Variants in SLC66A2 observed in about 807,000 individuals in gnomAD.
The protein encoded by SLC66A2 is solute carrier family 66 member 2.
In SLC66A2, 23 loss-of-function variants were observed where a neutral mutation model predicts 25.5. That is an observed-to-expected ratio of 0.90 (90% confidence interval 0.65 to 1.28). SLC66A2 has a LOEUF of 1.28. Ranked by LOEUF, SLC66A2 falls within the 50% of genes most tolerant of loss-of-function variation. The pLI, the probability that SLC66A2 is intolerant of heterozygous loss-of-function variation, is 0.00. For synonymous variants in SLC66A2, 193 were observed against 166.5 expected, an observed-to-expected ratio of 1.16 and a Z score of -1.23; for missense variants, 396 against 373.1, an observed-to-expected ratio of 1.06 and a Z score of -0.51.
chr18:79,922,705 C>A (rs549946723), intron 4 of SLC66A2, among the ~76,000 whole-genome samples: 3 of 151,834 alleles, frequency 2.0e-5, no homozygotes, highest in Admixed American at 6.6e-5. Context: ...TGCCAAGAAG[C>A]CTGCAAGGCC....
At chr18:79,925,750 G>A (rs148581286) in intron 4 of SLC66A2, among the ~76,000 whole-genome samples, 5 of 152,356 alleles carry the variant, frequency 3.3e-5, no homozygotes, top group Non-Finnish European at 7.3e-5. Context: ...ATCAGGTCGT[G>A]TTTTCATGTC....
At chr18:79,906,588 T>C (rs750616565) in intron 5 of SLC66A2, among the ~76,000 whole-genome samples, 4 of 152,242 alleles carry the variant, frequency 2.6e-5, no homozygotes, top group Non-Finnish European at 4.4e-5. Context: ...AGAAAATACT[T>C]TGCACAATTT....
chr18:79,946,040 C>CA (rs1012782718), intron 2 of SLC66A2, among the ~76,000 whole-genome samples: 2 of 152,238 alleles, frequency 1.3e-5, no homozygotes, highest in Non-Finnish European at 2.9e-5. Context: ...AGGCCACCTG[C>CA]ATTTTTTTAA....
chr18:79,933,952 A>G lies in SLC66A2; in HGVS notation c.391+17T>C. On this transcript the variant is annotated intron_variant, in intron 4 of 5. Coordinates refer to ENST00000397778, the MANE Select transcript of SLC66A2 (RefSeq NM_025078.5). ...AAAAGGAACGTGCTGCGGACAGTGC[A>G]CGCGCAGGGTACATACCCAGGAAGG... 1 of 1,608,488 alleles carries G rather than the reference A, an allele frequency of 6.2e-7. No homozygotes were observed. Among genetic ancestry groups the G allele is most frequent in the Non-Finnish European group, 8.5e-7 (1 of 1,177,226 alleles).
At chr18:79,915,001 C>T (rs1475667609) in intron 5 of SLC66A2, among the ~76,000 whole-genome samples, 1 of 152,224 alleles carries the variant, frequency 6.6e-6, no homozygotes, top group Non-Finnish European at 1.5e-5. Context: ...GAAATAAGGA[C>T]GTGCGGCACA....
chr18:79,924,462 G>A (rs1985685812), intron 4 of SLC66A2, among the ~76,000 whole-genome samples: 1 of 152,168 alleles, frequency 6.6e-6, no homozygotes, highest in Non-Finnish European at 1.5e-5. Context: ...GGTTCGAAGG[G>A]GTTTCTTTGG....
At chr18:79,909,714 A>AAG (rs1568292519) in intron 5 of SLC66A2, among the ~76,000 whole-genome samples, 6 of 43,934 alleles carry the variant, frequency 1.4e-4, no homozygotes, top group Non-Finnish European at 2.1e-4. Flanking sequence ...ACCATCTCAC[A>AAG]ACAGAGTCCC....
chr18:79,934,984 T>C (rs1025712031), intron 3 of SLC66A2, among the ~76,000 whole-genome samples: 1 of 152,156 alleles, frequency 6.6e-6, no homozygotes. Context: ...CAATGCAGCA[T>C]ACAAAGTGCA....
intron 5 of SLC66A2, among the ~76,000 whole-genome samples, chr18:79,915,166 C>G (rs879330821): frequency 2.0e-5 from 3 of 152,220 alleles, no homozygotes; most frequent in Non-Finnish European, 4.4e-5. Flanking sequence ...TGCGTTCTAG[C>G]AGCAAACGCC....
At chr18:79,949,208 A>G (rs1468839923) in intron 2 of SLC66A2, among the ~76,000 whole-genome samples, 1 of 152,120 alleles carries the variant, frequency 6.6e-6, no homozygotes, top group African/African-American at 2.4e-5. Context: ...CCAGGGACAC[A>G]TGGACCAATG....
rs538442822 is a variant in SLC66A2 at position 79,905,633 on chromosome 18, G to A, written c.609-1450C>T. On this transcript the variant is annotated intron_variant, in intron 5 of 5. Transcript: ENST00000397778. ...CCGCCACCGGTCACCTTCGCCCCAC[G>A]CAGCTTCCGGTTGACCCCTCACACC... Among the ~76,000 whole-genome samples the A allele has an allele frequency of 1.7e-3, 263 of 152,354 alleles. 1 individual carries two copies. Among genetic ancestry groups the A allele is most frequent in the African/African-American group, 5.9e-3 (244 of 41,584 alleles).
At chr18:79,945,603 G>A (rs928652727) in intron 2 of SLC66A2, among the ~76,000 whole-genome samples, 1 of 152,232 alleles carries the variant, frequency 6.6e-6, no homozygotes, top group East Asian at 1.9e-4. Flanking sequence ...TGGGCCCGGG[G>A]ATAGAGGACG....
intron 5 of SLC66A2, among the ~76,000 whole-genome samples, chr18:79,908,955 A>G (rs1463806426): frequency 2.0e-5 from 3 of 152,270 alleles, no homozygotes. Flanking sequence ...AAAATCTTGG[A>G]TAAGTCTGAT....
At position 79,903,819 on chromosome 18, in the gene SLC66A2, C is replaced by T. The variant is rs1035865780; in HGVS notation, c.*157G>A. 3.3e-6 allele frequency: 2 copies of T among 614,284 alleles called. No individual in the cohort carries two copies. Among genetic ancestry groups the T allele is most frequent in the South Asian group, 2.2e-5 (1 of 45,228 alleles). The allele number at this position is 614,284 out of a possible 1,614,324, so 38.1% of individuals were successfully genotyped here. On this transcript the variant is annotated 3_prime_UTR_variant, in exon 6 of 6. Coordinates refer to ENST00000397778, the MANE Select transcript of SLC66A2 (RefSeq NM_025078.5). ...GCGTCCCAGCCCCACCCCCACTGCC[C>T]ACCCTGAGACACCCCACAGAGGCTG...
rs533097107 is a variant in SLC66A2, at chr18:79,918,078, G to A, written c.608+1106C>T. On this transcript the variant is annotated intron_variant, in intron 5 of 5. Transcript: ENST00000397778. This position sits in a 1 kb window ranked among gnomAD's most constrained non-coding sequence, Gnocchi z 4.0. ...CCCCCTACCACCACCCCACACCTAC[G>A]ACAAGCCCTCCTACCTTTACCTCTC... 1.8e-4 allele frequency among the ~76,000 whole-genome samples: 28 copies of A among 151,822 alleles called. No homozygotes were observed. The highest frequency in any genetic ancestry group is 7.9e-4 in the Admixed American group (12 of 15,242).
chr18:79,916,047 GTACCCATGGCGCTCCCA>G (rs1409005065), intron 5 of SLC66A2: 1 of 209,148 alleles, frequency 4.8e-6, no homozygotes. Flanking sequence ...CGGTGCTCCC[GTACCCATGGCGCTCCCA>G]TACCCACAGC....
In SLC66A2 at chr18:79,927,616, C is replaced by T. The variant is rs574475827; in HGVS notation, c.391+6353G>A. On this transcript the variant is annotated intron_variant, in intron 4 of 5. Coordinates refer to ENST00000397778, the MANE Select transcript of SLC66A2 (RefSeq NM_025078.5). This position sits in a 1 kb window ranked among gnomAD's most constrained non-coding sequence, Gnocchi z 6.2. ...CGACACAGCTGGGGCCAGAGGACGA[C>T]GCAGAGAGACCCACATCAGAGACCC... Among the ~76,000 whole-genome samples, 81 of 152,244 alleles carry T rather than the reference C, an allele frequency of 5.3e-4. 1 individual carries two copies. In the South Asian group the frequency reaches 5.4e-3, roughly 10 times the overall value.
Position 79,904,240 on chromosome 18 carries a change from C to T in SLC66A2, c.609-57G>A. On this transcript the variant is annotated intron_variant, in intron 5 of 5. Coordinates refer to ENST00000397778, the MANE Select transcript of SLC66A2 (RefSeq NM_025078.5). This position sits in a 1 kb window ranked among gnomAD's most constrained non-coding sequence, Gnocchi z 6.3. The stretch of plus-strand genomic sequence containing the variant: ...GGGAGGGCGGCGACCTGGGCTCAGT[C>T]AGTGGGGAGGCCTGGGGCTTAGACA... 6.7e-7 allele frequency: 1 copy of T among 1,493,038 alleles called. No homozygotes were observed. Among genetic ancestry groups the T allele is most frequent in the South Asian group, 1.1e-5 (1 of 87,886 alleles). The allele number at this position is 1,493,038 out of a possible 1,614,324, so 92.5% of individuals were successfully genotyped here.
chr18:79,914,396 T>G (rs1011571792), intron 5 of SLC66A2, among the ~76,000 whole-genome samples: 2 of 152,150 alleles, frequency 1.3e-5, no homozygotes, highest in Non-Finnish European at 2.9e-5. Context: ...GACGCCCCCA[T>G]CAGGCAGATC....
Sources: gnomAD v4.1 joint callset for allele counts (sites outside exome capture counted in the v4.1 genomes callset) on GRCh38, gnomAD v4.1.1 for gene constraint, Gnocchi (gnomAD v3.1) non-coding constraint, MANE v1.5 for transcripts, NCBI Gene and HGNC (gene_info 2026-07-23, HGNC 2026-07-21) for gene names.